DNAJB1: variants seen among roughly 807,000 people sequenced by gnomAD.
The protein encoded by DNAJB1 is dnaJ homolog subfamily B member 1.
Under a neutral mutation model 24.0 loss-of-function variants are expected in DNAJB1, and 14 were observed. The observed-to-expected ratio is 0.58, with a 90% CI of 0.39 to 0.91. The LOEUF is 0.91. Ranked by LOEUF, DNAJB1 falls within the 40% of genes least tolerant of loss-of-function variation. The pLI is 0.00. For synonymous variants in DNAJB1, 262 were observed against 174.4 expected (o/e 1.50, Z -3.96); for missense variants, 517 against 458.1 (o/e 1.13, Z -1.17).
chr19:14,547,356 TTTTATTTTA>T (rs2073342534), intron 1 of DNAJB1, among the ~76,000 whole-genome samples: 1 of 152,040 alleles, frequency 6.6e-6, no homozygotes, highest in Non-Finnish European at 1.5e-5. Context: ...TTTTATTTTA[TTTTATTTTA>T]TTTTATGTTT....
chr19:14,555,024 A>G (rs962296606), upstream of DNAJB1, among the ~76,000 whole-genome samples: 1 of 150,620 alleles, frequency 6.6e-6, no homozygotes, highest in Admixed American at 6.6e-5. Context: ...TGATCTGCCC[A>G]CGTCCGCCTC....
upstream of DNAJB1, chr19:14,533,988 G>C (rs1396830119): frequency 6.6e-6 from 1 of 152,114 alleles, no homozygotes; most frequent in African/African-American, 2.4e-5. Flanking sequence ...ACTACATCTT[G>C]TAATTGAGCC....
At chr19:14,542,314 T>G (rs1204565490) in intron 1 of DNAJB1, among the ~76,000 whole-genome samples, 1 of 149,046 alleles carries the variant, frequency 6.7e-6, no homozygotes, top group Non-Finnish European at 1.5e-5. Context: ...GGCAGTTCAT[T>G]TTTAAGTCCT....
rs777046843 is a variant in DNAJB1, at chr19:14,516,940, G to A, written c.318C>T (p.Phe106=). 26 of 1,613,642 alleles carry A rather than the reference G, an allele frequency of 1.6e-5. No homozygotes were observed. The highest frequency in any genetic ancestry group is 1.6e-4 in the Middle Eastern group (1 of 6,084). ...GDPHAMFAEF[F]GGRNPFDTFF... ...AGGTGTCAAAGGGATTTCTGCCACC[G>A]AAGAACTCAGCAAACATGGCATGAG... is the stretch of plus-strand genomic sequence containing the variant. The change falls in exon 2 of 3, where the codon TTC becomes TTT. Residue 106 remains phenylalanine, a synonymous_variant. Transcript: ENST00000254322.
At chr19:14,556,391 C>T (rs116975974) in intron 1 of DNAJB1, among the ~76,000 whole-genome samples, 3,154 of 144,786 alleles carry the variant, frequency 0.022, 49 homozygotes, top group Non-Finnish European at 0.025. Context: ...CCAGCCTGGG[C>T]GACAGCGAGA....
rs569720988 is a variant in DNAJB1, at chr19:14,528,482, C to T, written c.-174-672G>A. On this transcript the variant is annotated intron_variant, in intron 1 of 3. Coordinates refer to the DNAJB1 transcript ENST00000396969. ...CTCGAACTCCTCACCTCGTGATCTG[C>T]CCCCCTCGGCCTCCCAAGGTGCTAG... 1.1e-4 allele frequency among the ~76,000 whole-genome samples: 17 copies of T among 151,974 alleles called. 1 individual carries two copies. In the South Asian group the frequency reaches 3.5e-3, roughly 32 times the overall value.
upstream of DNAJB1, chr19:14,529,984 G>C: frequency 5.4e-6 from 3 of 557,282 alleles, no homozygotes; most frequent in Non-Finnish European, 6.5e-6. Context: ...GTTCCTTGCA[G>C]CTCCCCCAGC....
chr19:14,544,868 A>G (rs2073247145), intron 1 of DNAJB1, among the ~76,000 whole-genome samples: 5 of 152,180 alleles, frequency 3.3e-5, no homozygotes, highest in Middle Eastern at 3.4e-3. Context: ...CATGGGCTCC[A>G]GTGATCCTCC....
intron 1 of DNAJB1, among the ~76,000 whole-genome samples, chr19:14,537,785 C>G (rs1009104399): frequency 4.4e-5 from 6 of 136,234 alleles, no homozygotes; most frequent in Non-Finnish European, 9.2e-5. Flanking sequence ...TCGCTCTTGT[C>G]CCCTAGGCTG....
At chr19:14,555,070 C>G (rs910665291), upstream of DNAJB1, among the ~76,000 whole-genome samples, 5 of 151,740 alleles carry the variant, frequency 3.3e-5, no homozygotes, top group Non-Finnish European at 7.4e-5. Context: ...AGCCACTGCG[C>G]CTGGCCTTGT....
chr19:14,525,639 G>A (rs2072412048), intron 2 of DNAJB1, among the ~76,000 whole-genome samples: 1 of 152,156 alleles, frequency 6.6e-6, no homozygotes. Flanking sequence ...GCAGATGAAT[G>A]CTTGCCAGGG....
At chr19:14,554,715 C>T (rs1364954696), upstream of DNAJB1, among the ~76,000 whole-genome samples, 1 of 152,122 alleles carries the variant, frequency 6.6e-6, no homozygotes, top group African/African-American at 2.4e-5. Flanking sequence ...CACACCCACT[C>T]CACTCTCAGG....
chr19:14,517,956 A>AG, intron 1 of DNAJB1, 183 bp downstream of exon 1: 1 of 558,706 alleles, frequency 1.8e-6, no homozygotes, highest in Non-Finnish European at 2.8e-6. Flanking sequence ...GGCTGGGCCA[A>AG]GGCTCCTCCT....
intron 1 of DNAJB1, among the ~76,000 whole-genome samples, chr19:14,528,965 A>T (rs2072505891): frequency 6.6e-6 from 1 of 152,098 alleles, no homozygotes; most frequent in Non-Finnish European, 1.5e-5. Context: ...CAGAAAAACA[A>T]AGTGGGGCGG....
At position 14,515,908 on chromosome 19, in the gene DNAJB1, G is replaced by A. The variant is rs1006152593; in HGVS notation, c.*32C>T. 2 of 1,598,040 alleles carry A rather than the reference G, an allele frequency of 1.3e-6. No homozygotes were observed. Among genetic ancestry groups the A allele is most frequent in the African/African-American group, 1.4e-5 (1 of 73,878 alleles). On this transcript the variant is annotated 3_prime_UTR_variant, in exon 3 of 3. Transcript: ENST00000254322. ...CCAGAAATCCTTGAGCTCTGGAAAG[G>A]TCCCTGGTCAGTCCTTGGGGAGCTC... is the stretch of plus-strand genomic sequence containing the variant.
chr19:14,528,615 A>G (rs1339090441), intron 1 of DNAJB1, among the ~76,000 whole-genome samples: 1 of 151,948 alleles, frequency 6.6e-6, no homozygotes, highest in Non-Finnish European at 1.5e-5. Context: ...GCAGAGACCA[A>G]TGTAGTTCCC....
At chr19:14,529,713 TAAG>T (rs1406228207), upstream of DNAJB1, 3 of 1,614,080 alleles carry the variant, frequency 1.9e-6, no homozygotes, top group Admixed American at 5.0e-5. Context: ...CATTACGAGG[TAAG>T]AAGCGAGAAA....
chr19:14,515,091 G>C lies in DNAJB1; in HGVS notation c.*849C>G, dbSNP rs1325302715. The stretch of plus-strand genomic sequence containing the variant: ...AAAGACCCTTTTATCAAAAGGGATT[G>C]TATCTAGGGCTGTGCAAAATTCAAA... On this transcript the variant is annotated 3_prime_UTR_variant, in exon 3 of 3. Transcript: ENST00000254322. 6.6e-6 allele frequency: 1 copy of C among 152,636 alleles called. No individual in the cohort carries two copies. The highest frequency in any genetic ancestry group is 2.4e-5 in the African/African-American group (1 of 41,456). The allele number at this position is 152,636 out of a possible 1,614,324, so 9.5% of individuals were successfully genotyped here.
chr19:14,530,722 TAGC>T (rs1392488483), upstream of DNAJB1: 1 of 152,128 alleles, frequency 6.6e-6, no homozygotes, highest in Non-Finnish European at 1.5e-5. Context: ...AAATGAAAAA[TAGC>T]AGGTCGAGCG....
Sources: gnomAD v4.1 joint callset for allele counts (sites outside exome capture counted in the v4.1 genomes callset) on GRCh38, gnomAD v4.1.1 for gene constraint, MANE v1.5 for transcripts, NCBI Gene and HGNC (gene_info 2026-07-23, HGNC 2026-07-21) for gene names.